Variants in ADGRL3 observed in about 807,000 individuals in gnomAD.
The protein encoded by ADGRL3 is adhesion G protein-coupled receptor L3.
ADGRL3 carries 62 observed loss-of-function variants against 153.5 expected under a neutral mutation model. The observed-to-expected ratio is 0.40, with a 90% CI of 0.33 to 0.50. The LOEUF (loss-of-function observed/expected upper bound fraction) is 0.50. ADGRL3 is among the 20% of genes least tolerant of loss of function. The probability of loss-of-function intolerance (pLI) is 0.47; values close to 1 mark genes in which losing one functional copy is unlikely to be tolerated. For synonymous variants in ADGRL3, 710 were observed against 672.5 expected, an observed-to-expected ratio of 1.06 and a Z score of -0.86; for missense variants, 1,641 against 1,859.4, an observed-to-expected ratio of 0.88 and a Z score of 2.16.
At chr4:61,551,432 T>A (rs2098740009) in intron 4 of ADGRL3, among the ~76,000 whole-genome samples, 1 of 152,164 alleles carries the variant, frequency 6.6e-6, no homozygotes, top group African/African-American at 2.4e-5. Flanking sequence ...GTGTTTTGAT[T>A]ATTTTTCTCA....
At chr4:61,612,741 C>T (rs1168312121) in intron 5 of ADGRL3, among the ~76,000 whole-genome samples, 1 of 152,022 alleles carries the variant, frequency 6.6e-6, no homozygotes, top group Admixed American at 6.5e-5. Context: ...AATAAAGGGC[C>T]ATTTATAGGT....
intron 4 of ADGRL3, among the ~76,000 whole-genome samples, chr4:61,564,567 T>C (rs548020107): frequency 2.6e-5 from 4 of 152,322 alleles, no homozygotes; most frequent in Non-Finnish European, 4.4e-5. Context: ...GCCAGAGCGT[T>C]TGGCCCATTT....
chr4:61,993,186 G>GTGTC (rs1275824500), intron 19 of ADGRL3, among the ~76,000 whole-genome samples: 2 of 150,566 alleles, frequency 1.3e-5, no homozygotes, highest in Non-Finnish European at 3.0e-5. Flanking sequence ...GTGTGTGTGT[G>GTGTC]TGTGTGTGTG....
chr4:61,369,690 TC>T (rs1304792038), intron 1 of ADGRL3, among the ~76,000 whole-genome samples: 1 of 152,158 alleles, frequency 6.6e-6, no homozygotes. Flanking sequence ...TCTAAAGTTA[TC>T]CTTTTTGGTT....
At chr4:61,758,674 T>C (rs1347470978) in intron 8 of ADGRL3, among the ~76,000 whole-genome samples, 9 of 152,222 alleles carry the variant, frequency 5.9e-5, no homozygotes, top group Non-Finnish European at 8.8e-5. Context: ...ATTTAGCCCA[T>C]TTACATTTAA....
At chr4:61,907,471 C>A (rs747212555) in intron 11 of ADGRL3, among the ~76,000 whole-genome samples, 1 of 151,934 alleles carries the variant, frequency 6.6e-6, no homozygotes, top group East Asian at 1.9e-4. Flanking sequence ...GTTGGCCAAG[C>A]TGGCCTCGAA....
At chr4:61,358,536 G>A (rs1189128096) in intron 1 of ADGRL3, among the ~76,000 whole-genome samples, 3 of 147,584 alleles carry the variant, frequency 2.0e-5, no homozygotes, top group Admixed American at 6.9e-5. Flanking sequence ...GGCGGAGCTT[G>A]CAGTGAGTGG....
intron 5 of ADGRL3, among the ~76,000 whole-genome samples, chr4:61,644,656 T>C (rs370068555): frequency 6.6e-6 from 1 of 152,324 alleles, no homozygotes; most frequent in African/African-American, 2.4e-5. Context: ...AGAGATAGTT[T>C]GTTATAATTT....
Position 61,948,212 on chromosome 4 carries a change from A to G in ADGRL3, c.2741A>G (p.His914Arg), listed in dbSNP as rs1007173264. 1.2e-6 allele frequency: 2 copies of G among 1,613,792 alleles called. No individual in the cohort carries two copies. Among genetic ancestry groups the G allele is most frequent in the African/African-American group, 2.7e-5 (2 of 74,922 alleles). ...GCRLLTTNKT[H>R]TTCSCNHLTN... is the part of the protein sequence containing the mutation. ...CGGCTCCTGACAACAAATAAGACACATACTACATGCTCTTGTAACCACCTA... is the reference window on the plus strand; with the variant it reads ...CGGCTCCTGACAACAAATAAGACACGTACTACATGCTCTTGTAACCACCTA... The change falls in exon 17 of 27, where the codon CAT becomes CGT. Residue 914 changes from histidine (H) to arginine (R), a missense_variant. Coordinates refer to ENST00000683033, the MANE Select transcript of ADGRL3 (RefSeq NM_001387552.1).
chr4:61,620,763 C>T (rs568930353), intron 5 of ADGRL3, among the ~76,000 whole-genome samples: 1 of 150,324 alleles, frequency 6.7e-6, no homozygotes, highest in African/African-American at 2.4e-5. Flanking sequence ...GCCTCAGCCT[C>T]CCAAGTAGCT....
At chr4:61,800,001 G>A (rs2097471981) in intron 8 of ADGRL3, among the ~76,000 whole-genome samples, 1 of 152,124 alleles carries the variant, frequency 6.6e-6, no homozygotes, top group South Asian at 2.1e-4. Context: ...ACTGCAATTA[G>A]CGCACAAGTC....
intron 8 of ADGRL3, among the ~76,000 whole-genome samples, chr4:61,787,118 A>G (rs1256310588): frequency 5.3e-5 from 8 of 152,164 alleles, no homozygotes; most frequent in African/African-American, 1.9e-4. Context: ...GGAAAAGATA[A>G]AAGGATTCCT....
intron 21 of ADGRL3, among the ~76,000 whole-genome samples, chr4:62,025,622 C>G (rs1057427418): frequency 1.3e-5 from 2 of 152,098 alleles, no homozygotes; most frequent in African/African-American, 2.4e-5. Flanking sequence ...GAAAAGCCCA[C>G]TCAACATACA....
At chr4:61,874,030 T>C (rs1020737176) in intron 9 of ADGRL3, among the ~76,000 whole-genome samples, 2 of 152,126 alleles carry the variant, frequency 1.3e-5, no homozygotes, top group Non-Finnish European at 2.9e-5. Flanking sequence ...TTTCCTATTG[T>C]GGAAAGCATT....
chr4:61,928,270 C>CT (rs1215998960), intron 13 of ADGRL3, among the ~76,000 whole-genome samples: 1 of 151,948 alleles, frequency 6.6e-6, no homozygotes, highest in East Asian at 1.9e-4. Context: ...TACCAATTTG[C>CT]TTTTTTTATT....
chr4:61,902,579 T>TA (rs1303587786), intron 11 of ADGRL3, among the ~76,000 whole-genome samples: 2 of 152,096 alleles, frequency 1.3e-5, no homozygotes, highest in African/African-American at 4.8e-5. Context: ...CAGAACTACT[T>TA]ACTCTTCTCC....
At chr4:61,470,023 C>T (rs1173238110) in intron 2 of ADGRL3, among the ~76,000 whole-genome samples, 5 of 151,924 alleles carry the variant, frequency 3.3e-5, no homozygotes, top group Non-Finnish European at 7.4e-5. Flanking sequence ...ATAGATTTTA[C>T]ACACTGAATA....
At chr4:61,749,167 C>T (rs1271835688) in intron 8 of ADGRL3, among the ~76,000 whole-genome samples, 1 of 152,068 alleles carries the variant, frequency 6.6e-6, no homozygotes, top group African/African-American at 2.4e-5. Flanking sequence ...GAGATACCAT[C>T]TCACACCAGT....
intron 1 of ADGRL3, among the ~76,000 whole-genome samples, chr4:61,375,504 T>C (rs2096593102): frequency 6.6e-6 from 1 of 152,154 alleles, no homozygotes; most frequent in African/African-American, 2.4e-5. Context: ...CCTGAGTTAC[T>C]CTGACTTACA....
Sources: gnomAD v4.1 joint callset for allele counts (sites outside exome capture counted in the v4.1 genomes callset) on GRCh38, gnomAD v4.1.1 for gene constraint, MANE v1.5 for transcripts, NCBI Gene and HGNC (gene_info 2026-07-23, HGNC 2026-07-21) for gene names.